RBFOX1: variants seen among roughly 807,000 people sequenced by gnomAD.
The protein encoded by RBFOX1 is RNA binding protein fox-1 homolog 1.
Under a neutral mutation model 57.7 loss-of-function variants are expected in RBFOX1, and 8 were observed. That is an observed-to-expected ratio of 0.14 (90% CI 0.08 to 0.25). RBFOX1 has a LOEUF of 0.25. Ranked by LOEUF, RBFOX1 falls within the 10% of genes least tolerant of loss-of-function variation. The pLI is 1.00. For synonymous variants in RBFOX1, 326 were observed against 222.4 expected, an observed-to-expected ratio of 1.47 and a Z score of -4.15; for missense variants, 611 against 548.5, an observed-to-expected ratio of 1.11 and a Z score of -1.14.
chr16:5,465,698 A>G (rs1052954338), intron 1 of RBFOX1, among the ~76,000 whole-genome samples: 4 of 152,180 alleles, frequency 2.6e-5, no homozygotes, highest in Non-Finnish European at 4.4e-5. Flanking sequence ...CAAACATACT[A>G]ATAATAGCTG....
rs114145573 is a variant in RBFOX1, at chr16:5,494,276, G to C, written c.258+27022G>C. Reference sequence around the variant, plus strand: ...CCAAAGTCTAGACATTCGGATTCCAGTCTTGCCTCTAGAATCTGCAGCGTA... The same window carrying C: ...CCAAAGTCTAGACATTCGGATTCCACTCTTGCCTCTAGAATCTGCAGCGTA... On this transcript the variant is annotated intron_variant, in intron 2 of 2. Coordinates refer to the RBFOX1 transcript ENST00000585867. Among the ~76,000 whole-genome samples, 1,241 of 152,318 alleles carry C rather than the reference G, an allele frequency of 8.1e-3. 13 individuals carry two copies. The highest frequency in any genetic ancestry group is 0.042 in the East Asian group (215 of 5,178).
chr16:6,146,796 C>G (rs567897789), intron 1 of RBFOX1, among the ~76,000 whole-genome samples: 1 of 152,130 alleles, frequency 6.6e-6, no homozygotes, highest in African/African-American at 2.4e-5. Flanking sequence ...AAGTGAGCAT[C>G]GTCTAAGTAC....
rs184472044 is a variant in RBFOX1, at chr16:6,631,552, A to G, written c.-63-23051A>G. On this transcript the variant is annotated intron_variant, in intron 2 of 15. Transcript: ENST00000550418. ...GAGGTTTTGTTCTGGGTGTCAGAAT[A>G]CAGCATGGAAAAAAGACAAAGGAAA... Among the ~76,000 whole-genome samples the G allele has an allele frequency of 2.1e-3, 315 of 152,294 alleles. 1 individual carries two copies. The highest frequency in any genetic ancestry group is 7.2e-3 in the African/African-American group (300 of 41,568).
intron 1 of RBFOX1, among the ~76,000 whole-genome samples, chr16:6,216,261 C>G (rs1283625718): frequency 6.6e-6 from 1 of 152,028 alleles, no homozygotes; most frequent in Non-Finnish European, 1.5e-5. Context: ...CAAACCTGCA[C>G]ATATACCCCT....
At chr16:7,702,194 G>A (rs144862647) in intron 14 of RBFOX1, among the ~76,000 whole-genome samples, 1 of 152,316 alleles carries the variant, frequency 6.6e-6, no homozygotes, top group East Asian at 1.9e-4. Context: ...TGGTTGTGTG[G>A]TAAATATTTA....
intron 2 of RBFOX1, among the ~76,000 whole-genome samples, chr16:5,483,863 C>G (rs1419038438): frequency 6.6e-6 from 1 of 152,186 alleles, no homozygotes; most frequent in Admixed American, 6.5e-5. Flanking sequence ...GAATCTCTCA[C>G]AGGCTGTAAT....
chr16:5,246,721 A>G (rs977703365), intron 1 of RBFOX1, among the ~76,000 whole-genome samples: 9 of 147,496 alleles, frequency 6.1e-5, no homozygotes, highest in African/African-American at 2.3e-4. Context: ...CCCAGGCTGT[A>G]GTGCAGGGGT....
At chr16:5,808,494 A>G (rs1179330896) in intron 3 of RBFOX1, among the ~76,000 whole-genome samples, 3 of 152,188 alleles carry the variant, frequency 2.0e-5, no homozygotes, top group Admixed American at 6.5e-5. Flanking sequence ...CATTGAATCT[A>G]TCAATTACCT....
intron 4 of RBFOX1, among the ~76,000 whole-genome samples, chr16:5,908,583 C>T (rs1039193140): frequency 6.6e-6 from 1 of 151,956 alleles, no homozygotes; most frequent in Non-Finnish European, 1.5e-5. Context: ...GAACTCCTGA[C>T]CTCAAGTGAT....
At chr16:7,594,829 A>G (rs1297164723) in intron 7 of RBFOX1, among the ~76,000 whole-genome samples, 2 of 152,342 alleles carry the variant, frequency 1.3e-5, no homozygotes, top group South Asian at 2.1e-4. Flanking sequence ...AAAAGCGTGT[A>G]TGCAATTTGA....
intron 4 of RBFOX1, among the ~76,000 whole-genome samples, chr16:5,896,977 A>G (rs1189758240): frequency 2.1e-5 from 3 of 145,646 alleles, no homozygotes; most frequent in South Asian, 2.2e-4. Flanking sequence ...TTTTAAAATC[A>G]TAAGGCTCTC....
At chr16:6,991,862 A>C (rs1380193057) in intron 3 of RBFOX1, among the ~76,000 whole-genome samples, 2 of 152,268 alleles carry the variant, frequency 1.3e-5, no homozygotes, top group East Asian at 3.9e-4. Context: ...GTTAATGTGC[A>C]TAGGAATCAC....
At chr16:5,964,802 T>C (rs1443288402) in intron 4 of RBFOX1, among the ~76,000 whole-genome samples, 1 of 152,024 alleles carries the variant, frequency 6.6e-6, no homozygotes, top group Non-Finnish European at 1.5e-5. Flanking sequence ...CATTGGTGCA[T>C]ATATACATTT....
At chr16:6,440,784 G>C (rs949721400) in intron 2 of RBFOX1, among the ~76,000 whole-genome samples, 1 of 141,814 alleles carries the variant, frequency 7.1e-6, no homozygotes, top group Non-Finnish European at 1.5e-5. Flanking sequence ...CTGGGTGACA[G>C]AGCGAGACAC....
At chr16:7,536,082 G>C (rs2081398311) in intron 5 of RBFOX1, among the ~76,000 whole-genome samples, 1 of 152,154 alleles carries the variant, frequency 6.6e-6, no homozygotes, top group African/African-American at 2.4e-5. Context: ...GTATCCACCA[G>C]GTTCGACATC....
At chr16:5,898,207 C>A (rs953743303) in intron 4 of RBFOX1, among the ~76,000 whole-genome samples, 3 of 152,140 alleles carry the variant, frequency 2.0e-5, no homozygotes, top group African/African-American at 7.2e-5. Flanking sequence ...CTCATGAGAA[C>A]AGCATGAGGG....
chr16:7,360,920 G>A (rs1293471375), intron 4 of RBFOX1, among the ~76,000 whole-genome samples: 1 of 152,314 alleles, frequency 6.6e-6, no homozygotes, highest in East Asian at 1.9e-4. Context: ...TCCTTGGAGA[G>A]TCTCATCCAC....
At chr16:6,613,470 C>G (rs959493462) in intron 2 of RBFOX1, among the ~76,000 whole-genome samples, 2 of 152,066 alleles carry the variant, frequency 1.3e-5, no homozygotes, top group East Asian at 3.9e-4. Flanking sequence ...GTCTTCCGCT[C>G]CAACCCTTAA....
chr16:7,343,882 G>A (rs1010302741), intron 4 of RBFOX1, among the ~76,000 whole-genome samples: 1 of 152,140 alleles, frequency 6.6e-6, no homozygotes, highest in Non-Finnish European at 1.5e-5. Flanking sequence ...ACCAAATCAT[G>A]TAAAGTCCAC....
Sources: allele counts gnomAD v4.1 joint callset (sites outside exome capture counted in the v4.1 genomes callset), GRCh38; gene constraint gnomAD v4.1.1; transcripts MANE v1.5; gene names NCBI Gene and HGNC (gene_info 2026-07-23, HGNC 2026-07-21).